The following WDR7 variants were observed in gnomAD, a reference collection of about 807,000 sequenced individuals.
The protein encoded by WDR7 is WD repeat-containing protein 7.
A neutral mutation model predicts 169.4 loss-of-function variants in WDR7; 46 were observed. The ratio of observed to expected loss-of-function variants is 0.27; its 90% CI spans 0.21 to 0.35. WDR7 has a LOEUF of 0.35. Among genes scored for constraint, WDR7 ranks in the 10% least tolerant of loss-of-function variants. The probability of loss-of-function intolerance (pLI) is 1.00; values close to 1 mark genes in which losing one functional copy is unlikely to be tolerated. For synonymous variants in WDR7, 612 were observed against 666.8 expected, an observed-to-expected ratio of 0.92 and a Z score of 1.27; for missense variants, 1,534 against 1,859.3, an observed-to-expected ratio of 0.83 and a Z score of 3.22.
chr18:56,995,562 T>A (rs1327005764), intron 26 of WDR7, among the ~76,000 whole-genome samples: 1 of 152,234 alleles, frequency 6.6e-6, no homozygotes, highest in African/African-American at 2.4e-5. Context: ...ATCGCCTATT[T>A]TTGAACTTTT....
At chr18:56,766,914 C>T (rs1263532723) in intron 16 of WDR7, among the ~76,000 whole-genome samples, 1 of 152,156 alleles carries the variant, frequency 6.6e-6, no homozygotes, top group Non-Finnish European at 1.5e-5. Context: ...TGCTTTCCTG[C>T]CTCTTTGCGT....
At chr18:56,959,455 G>A (rs1031119223) in intron 25 of WDR7, among the ~76,000 whole-genome samples, 1 of 152,108 alleles carries the variant, frequency 6.6e-6, no homozygotes, top group African/African-American at 2.4e-5. Flanking sequence ...ACTGACTTGA[G>A]TGATGATGTG....
intron 20 of WDR7, among the ~76,000 whole-genome samples, chr18:56,834,948 C>T (rs911270539): frequency 9.2e-5 from 14 of 152,136 alleles, no homozygotes; most frequent in African/African-American, 3.4e-4. Flanking sequence ...GATGAACAAG[C>T]CTTCTGTGTT....
At chr18:56,944,140 C>T (rs2145716469) in intron 25 of WDR7, among the ~76,000 whole-genome samples, 1 of 151,926 alleles carries the variant, frequency 6.6e-6, no homozygotes. Flanking sequence ...AGGTGTGAGC[C>T]ACCACGCCCA....
At chr18:56,980,446 T>A (rs757899651) in intron 26 of WDR7, among the ~76,000 whole-genome samples, 1 of 152,126 alleles carries the variant, frequency 6.6e-6, no homozygotes, top group Non-Finnish European at 1.5e-5. Flanking sequence ...ATTTAACACA[T>A]GTTAGTGAGT....
At position 56,679,328 on chromosome 18, in the gene WDR7, C is replaced by A; in HGVS notation, c.160-4C>A. 2.5e-6 allele frequency: 4 copies of A among 1,603,776 alleles called. No individual in the cohort carries two copies. The highest frequency in any genetic ancestry group is 3.4e-6 in the Non-Finnish European group (4 of 1,173,242). On this transcript the variant is annotated splice_region_variant and splice_polypyrimidine_tract_variant and intron_variant, in intron 2 of 27. Transcript: ENST00000254442. The stretch of plus-strand genomic sequence containing the variant: ...CTTAAACTAGCATATTTTTGCATTT[C>A]TAGATTAATCCTCGAGCACTGTTGT...
chr18:56,769,292 T>C (rs147294491), intron 16 of WDR7, among the ~76,000 whole-genome samples: 60 of 152,022 alleles, frequency 3.9e-4, no homozygotes, highest in Admixed American at 3.3e-4. Context: ...CAATCGTGGC[T>C]TACCGCAGCC....
At chr18:56,759,253 G>A (rs1477208) in intron 16 of WDR7, among the ~76,000 whole-genome samples, 1,964 of 152,210 alleles carry the variant, frequency 0.013, 21 homozygotes, top group East Asian at 0.033. Context: ...TGTTTCTTGA[G>A]TTTAAAAGTT....
In WDR7 at chr18:56,779,498, G is replaced by T. The variant is rs954783966; in HGVS notation, c.3015G>T (p.Arg1005Ser). The T allele has an allele frequency of 1.5e-5, 25 of 1,613,784 alleles. No homozygotes were observed. The highest frequency in any genetic ancestry group is 2.1e-5 in the Non-Finnish European group (25 of 1,179,898). The stretch of plus-strand genomic sequence containing the variant: ...ACCTACTGGGATTGGATAAATTTAG[G>T]CCTCCCCTTCTGGAGATGCTGGCCC... The part of the protein sequence containing the change: ...LPDLLGLDKF[R>S]PPLLEMLARR... Residue 1005 changes from arginine to serine, a missense_variant, in exon 18 of 28, where the codon AGG (arginine) becomes AGT (serine). Physicochemically the swap from Arg to Ser is moderately radical, Grantham distance 110. Coordinates refer to ENST00000254442, the MANE Select transcript of WDR7 (RefSeq NM_015285.3).
chr18:56,983,158 G>A (rs1170027292), intron 26 of WDR7, among the ~76,000 whole-genome samples: 1 of 152,152 alleles, frequency 6.6e-6, no homozygotes, highest in Non-Finnish European at 1.5e-5. Context: ...TAAAGACTGT[G>A]TATACTCTTG....
At chr18:56,720,674 A>G (rs1226899244) in intron 13 of WDR7, among the ~76,000 whole-genome samples, 1 of 152,198 alleles carries the variant, frequency 6.6e-6, no homozygotes, top group Non-Finnish European at 1.5e-5. Flanking sequence ...ATGAGGCCTT[A>G]CTGATAGACA....
At chr18:56,653,797 A>G (rs1470462014) in intron 1 of WDR7, among the ~76,000 whole-genome samples, 1 of 152,136 alleles carries the variant, frequency 6.6e-6, no homozygotes, top group African/African-American at 2.4e-5. Flanking sequence ...GTAGATACCC[A>G]TGTTATTTTC....
intron 19 of WDR7, among the ~76,000 whole-genome samples, chr18:56,792,048 C>T (rs1051226221): frequency 1.3e-5 from 2 of 151,866 alleles, no homozygotes; most frequent in Admixed American, 6.6e-5. Flanking sequence ...GATAGGGCCT[C>T]GCTCTGTCAC....
chr18:57,035,671 G>A, the WDR7 span: 1 of 152,292 alleles, frequency 6.6e-6, no homozygotes, highest in Non-Finnish European at 1.5e-5. Context: ...ACAGAACTGG[G>A]CCCCAGGTAT....
intron 20 of WDR7, among the ~76,000 whole-genome samples, chr18:56,876,220 A>G (rs1383756552): frequency 1.3e-5 from 2 of 152,164 alleles, no homozygotes; most frequent in Non-Finnish European, 2.9e-5. Flanking sequence ...CGGTTGGCAT[A>G]CCGAGCTTTG....
In WDR7 at chr18:56,682,670, T is replaced by A. The variant is rs1167313619; in HGVS notation, c.346-9T>A. On this transcript the variant is annotated splice_polypyrimidine_tract_variant and intron_variant, in intron 4 of 27. Transcript: ENST00000254442. ...TCAGAAATCTTTTTTCCTTTTGGCA[T>A]GAATGTAGTTCTACCAGTTCTCTGT... 6.2e-7 allele frequency: 1 copy of A among 1,605,806 alleles called. No homozygotes were observed.
At chr18:56,950,674 T>C (rs2047168925) in intron 25 of WDR7, among the ~76,000 whole-genome samples, 1 of 152,188 alleles carries the variant, frequency 6.6e-6, no homozygotes, top group Admixed American at 6.5e-5. Flanking sequence ...GTAGGCTAGA[T>C]TTCAGGAAAA....
intron 26 of WDR7, among the ~76,000 whole-genome samples, chr18:56,992,140 C>T (rs2047827528): frequency 6.6e-6 from 1 of 152,212 alleles, no homozygotes. Flanking sequence ...CTTAAGACAA[C>T]TGATCTTCTG....
chr18:56,804,726 A>T (rs918550663), intron 19 of WDR7, among the ~76,000 whole-genome samples: 9 of 152,226 alleles, frequency 5.9e-5, no homozygotes, highest in Non-Finnish European at 4.4e-5. Context: ...GAATGATCAA[A>T]AACTGCGACA....
Sources: allele counts gnomAD v4.1 joint callset (sites outside exome capture counted in the v4.1 genomes callset), GRCh38; gene constraint gnomAD v4.1.1; transcripts MANE v1.5; gene names NCBI Gene and HGNC (gene_info 2026-07-23, HGNC 2026-07-21).